ULK4: variants seen among roughly 807,000 people sequenced by gnomAD.
ULK4 encodes inactive serine/threonine-protein kinase ULK4.
A neutral mutation model predicts 160.6 loss-of-function variants in ULK4; 133 were observed. That is an observed-to-expected ratio of 0.83 (90% confidence interval 0.72 to 0.96). The LOEUF (loss-of-function observed/expected upper bound fraction) is 0.96. Among genes scored for constraint, ULK4 ranks in the 40% least tolerant of loss-of-function variants. The probability of loss-of-function intolerance (pLI) is 0.00; values close to 1 mark genes in which losing one functional copy is unlikely to be tolerated. For missense variants in ULK4, 1,580 were observed against 1,499.5 expected, an observed-to-expected ratio of 1.05 and a Z score of -0.89; for synonymous variants, 534 against 539.8, an observed-to-expected ratio of 0.99 and a Z score of 0.15.
At chr3:41,841,413 G>C (rs114714860) in intron 17 of ULK4, among the ~76,000 whole-genome samples, 45,763 of 140,260 alleles carry the variant, frequency 0.33, 10,329 homozygotes, top group African/African-American at 0.66. Flanking sequence ...GAGAGCGCCT[G>C]TGCCCGGCCG....
intron 12 of ULK4, among the ~76,000 whole-genome samples, chr3:41,904,238 G>C (rs1406586707): frequency 6.6e-6 from 1 of 152,086 alleles, no homozygotes; most frequent in Non-Finnish European, 1.5e-5. Flanking sequence ...TCTGAGACCA[G>C]CCTGGGCAAC....
intron 22 of ULK4, among the ~76,000 whole-genome samples, chr3:41,751,954 G>T (rs188711882): frequency 2.7e-4 from 41 of 152,252 alleles, no homozygotes; most frequent in African/African-American, 9.6e-4. Flanking sequence ...AAGAAGACAA[G>T]GGCTAACACA....
intron 32 of ULK4, among the ~76,000 whole-genome samples, chr3:41,476,689 C>T (rs1235292677): frequency 6.6e-6 from 1 of 152,042 alleles, no homozygotes; most frequent in Non-Finnish European, 1.5e-5. Flanking sequence ...TTACCTGTGG[C>T]TTAGATCAGC....
intron 31 of ULK4, among the ~76,000 whole-genome samples, chr3:41,599,301 G>C (rs2031902934): frequency 6.6e-6 from 1 of 152,094 alleles, no homozygotes; most frequent in African/African-American, 2.4e-5. Context: ...ATTAGGATGA[G>C]GATAATCTTA....
rs556581557 is a variant in ULK4, at chr3:41,388,183, T to A, written c.3678+9896A>T. On this transcript the variant is annotated intron_variant, in intron 35 of 36. Coordinates refer to ENST00000301831, the MANE Select transcript of ULK4 (RefSeq NM_017886.4). Reference sequence around the variant, plus strand: ...TGCATAAATGTCTTCTTTTGAGAAGTGTCTGTTCATATCCTTCACCCACTT... The same window carrying A: ...TGCATAAATGTCTTCTTTTGAGAAGAGTCTGTTCATATCCTTCACCCACTT... Among the ~76,000 whole-genome samples, 42 of 152,304 alleles carry A rather than the reference T, an allele frequency of 2.8e-4. No homozygotes were observed. In the South Asian group the frequency reaches 5.2e-3, roughly 19 times the overall value.
Position 41,490,237 on chromosome 3 carries a change from T to C in ULK4, c.3227-26984A>G, listed in dbSNP as rs371439438. On this transcript the variant is annotated intron_variant, in intron 32 of 36. Transcript: ENST00000301831. ...GGGCAGCTAATCATGCTTAACATCATTGACATAATGTTCCTCCACTGATAA... is the reference window on the plus strand; with the variant it reads ...GGGCAGCTAATCATGCTTAACATCACTGACATAATGTTCCTCCACTGATAA... 4.5e-4 allele frequency among the ~76,000 whole-genome samples: 69 copies of C among 152,304 alleles called. No homozygotes were observed. The South Asian group carries it at 1.0e-2, about 22-fold the overall frequency.
chr3:41,863,598 A>G (rs2042553918), intron 17 of ULK4, among the ~76,000 whole-genome samples: 1 of 152,024 alleles, frequency 6.6e-6, no homozygotes, highest in Non-Finnish European at 1.5e-5. Context: ...AAGGCCCTCA[A>G]AATGTAATAT....
At chr3:41,274,383 C>A (rs1575382510) in intron 35 of ULK4, among the ~76,000 whole-genome samples, 1 of 152,322 alleles carries the variant, frequency 6.6e-6, no homozygotes, top group East Asian at 1.9e-4. Context: ...GTAACACAGA[C>A]AGCCACTAGT....
chr3:41,735,903 C>G (rs1400972008), intron 22 of ULK4, among the ~76,000 whole-genome samples: 1 of 134,248 alleles, frequency 7.4e-6, no homozygotes, highest in East Asian at 2.2e-4. Context: ...CATGTGTTCT[C>G]ATTGTTCAAT....
intron 2 of ULK4, among the ~76,000 whole-genome samples, chr3:41,945,003 T>C (rs1041663760): frequency 6.6e-5 from 10 of 152,308 alleles, no homozygotes; most frequent in Admixed American, 2.0e-4. Flanking sequence ...CTAAGGGGCC[T>C]ACATAATTCC....
At chr3:41,613,451 T>G (rs1370130) in intron 31 of ULK4, among the ~76,000 whole-genome samples, 9,333 of 151,978 alleles carry the variant, frequency 0.061, 965 homozygotes, top group African/African-American at 0.21. Context: ...GTCAACTGGC[T>G]GAAAGCAATG....
At chr3:41,818,964 G>A (rs774761437) in intron 19 of ULK4, among the ~76,000 whole-genome samples, 2 of 152,186 alleles carry the variant, frequency 1.3e-5, no homozygotes, top group Admixed American at 6.5e-5. Context: ...ATCACATCAC[G>A]TAATAAATAC....
rs185462113 is a variant in ULK4 at position 41,444,872 on chromosome 3, G to C, written c.3492+10625C>G. 6.0e-3 allele frequency among the ~76,000 whole-genome samples: 920 copies of C among 152,158 alleles called. 2 individuals are homozygous for C. The highest frequency in any genetic ancestry group is 0.011 in the Non-Finnish European group (747 of 67,996). Reference sequence around the variant, plus strand: ...AACATAGTGTTGGAAGTTCTGGCCAGGGCAATCAGGCAGGAGAAAGAAATA... The same window carrying C: ...AACATAGTGTTGGAAGTTCTGGCCACGGCAATCAGGCAGGAGAAAGAAATA... On this transcript the variant is annotated intron_variant, in intron 34 of 36. Transcript: ENST00000301831.
chr3:41,353,464 A>C (rs2080953958), intron 35 of ULK4, among the ~76,000 whole-genome samples: 1 of 152,072 alleles, frequency 6.6e-6, no homozygotes, highest in Non-Finnish European at 1.5e-5. Flanking sequence ...CCAGAGTTCA[A>C]GACCACCCTG....
At chr3:41,445,055 C>T (rs1037757432) in intron 34 of ULK4, among the ~76,000 whole-genome samples, 2 of 152,156 alleles carry the variant, frequency 1.3e-5, no homozygotes, top group Admixed American at 6.5e-5. Flanking sequence ...GTGCAAAAAT[C>T]ACAAGCATTC....
rs187825762 is a variant in ULK4, at chr3:41,289,089, A to C, written c.3679-39515T>G. ...CCCACAGCTTTCTGCCTTTTTCCCT[A>C]TTCTTTTTCTATTAGAGCTGTGCCT... On this transcript the variant is annotated intron_variant, in intron 35 of 36. Transcript: ENST00000301831. Among the ~76,000 whole-genome samples, 319 of 152,230 alleles carry C rather than the reference A, an allele frequency of 2.1e-3. 2 individuals are homozygous for C. The highest frequency in any genetic ancestry group is 0.014 in the Middle Eastern group (4 of 292).
At chr3:41,443,636 T>G (rs866725467) in intron 34 of ULK4, among the ~76,000 whole-genome samples, 5 of 152,156 alleles carry the variant, frequency 3.3e-5, no homozygotes, top group Non-Finnish European at 7.4e-5. Flanking sequence ...ACTGACATTA[T>G]TAATATTAAA....
At chr3:41,603,823 T>C (rs1463317069) in intron 31 of ULK4, among the ~76,000 whole-genome samples, 1 of 152,136 alleles carries the variant, frequency 6.6e-6, no homozygotes, top group African/African-American at 2.4e-5. Flanking sequence ...CGTTAACAGA[T>C]AATACAACTA....
At chr3:41,650,793 G>A (rs2034709519) in intron 30 of ULK4, among the ~76,000 whole-genome samples, 1 of 152,216 alleles carries the variant, frequency 6.6e-6, no homozygotes, top group Admixed American at 6.5e-5. Flanking sequence ...TAAGGATCCT[G>A]TGACAGCTAT....
Sources: allele counts gnomAD v4.1 joint callset (sites outside exome capture counted in the v4.1 genomes callset), GRCh38; gene constraint gnomAD v4.1.1; transcripts MANE v1.5; gene names NCBI Gene and HGNC (gene_info 2026-07-23, HGNC 2026-07-21).